The following ALK variants were observed in gnomAD, a reference collection of about 807,000 sequenced individuals.
The protein encoded by ALK is ALK tyrosine kinase receptor.
A neutral mutation model predicts 163.1 loss-of-function variants in ALK; 74 were observed. The observed-to-expected ratio is 0.45, with a 90% CI of 0.38 to 0.55. The LOEUF (loss-of-function observed/expected upper bound fraction) is 0.55. Among genes scored for constraint, ALK ranks in the 20% least tolerant of loss-of-function variants. The pLI is 0.00. For synonymous variants in ALK, 960 were observed against 843.2 expected (o/e 1.14, Z -2.40); for missense variants, 2,063 against 2,105.3 (o/e 0.98, Z 0.39).
intron 1 of ALK, among the ~76,000 whole-genome samples, chr2:29,884,279 T>C (rs957170232): frequency 4.6e-5 from 7 of 152,188 alleles, no homozygotes; most frequent in African/African-American, 1.7e-4. Flanking sequence ...TGCAATACTG[T>C]AAACCTTTAA....
At chr2:29,679,595 C>T (rs142974329) in intron 3 of ALK, among the ~76,000 whole-genome samples, 5 of 151,808 alleles carry the variant, frequency 3.3e-5, no homozygotes, top group South Asian at 2.1e-4. Context: ...AGAAATTTTG[C>T]TCCAATCTAA....
rs142964007 is a variant in ALK at position 29,610,780 on chromosome 2, T to C, written c.953-78664A>G. On this transcript the variant is annotated intron_variant, in intron 3 of 28. Coordinates refer to ENST00000389048, the MANE Select transcript of ALK (RefSeq NM_004304.5). Reference sequence around the variant, plus strand: ...CCGCATCAAATCATTTCTCTGTAACTAGATTCTGCTTCTCAACAATAATTA... The same window carrying C: ...CCGCATCAAATCATTTCTCTGTAACCAGATTCTGCTTCTCAACAATAATTA... Among the ~76,000 whole-genome samples the C allele has an allele frequency of 9.8e-5, 15 of 152,318 alleles. No individual in the cohort carries two copies. The East Asian group carries it at 2.9e-3, about 29-fold the overall frequency.
chr2:29,403,366 T>C (rs2148316554), intron 4 of ALK, among the ~76,000 whole-genome samples: 1 of 152,236 alleles, frequency 6.6e-6, no homozygotes, highest in African/African-American at 2.4e-5. Flanking sequence ...AGGAAAGCAT[T>C]GTCCAGTGGG....
At chr2:29,355,570 G>A (rs954410013) in intron 5 of ALK, among the ~76,000 whole-genome samples, 1 of 152,164 alleles carries the variant, frequency 6.6e-6, no homozygotes, top group Admixed American at 6.5e-5. Context: ...TCCCTCGGCT[G>A]AGGCGTGTTG....
chr2:29,636,835 G>A (rs1410302509), intron 3 of ALK, among the ~76,000 whole-genome samples: 2 of 152,116 alleles, frequency 1.3e-5, no homozygotes, highest in Non-Finnish European at 2.9e-5. Flanking sequence ...ATAAGCACAC[G>A]AAAGATGTTA....
intron 2 of ALK, among the ~76,000 whole-genome samples, chr2:29,703,305 G>A (rs1288981194): frequency 1.3e-5 from 2 of 152,210 alleles, no homozygotes; most frequent in Non-Finnish European, 2.9e-5. Context: ...TGATGTCTGT[G>A]ATACCAATCA....
intron 1 of ALK, among the ~76,000 whole-genome samples, chr2:29,795,665 A>C (rs961433612): frequency 6.6e-6 from 1 of 152,164 alleles, no homozygotes; most frequent in Non-Finnish European, 1.5e-5. Flanking sequence ...AACAAAGATG[A>C]CTAAGACTTT....
chr2:29,482,836 G>A (rs767903318), intron 4 of ALK, among the ~76,000 whole-genome samples: 3 of 152,104 alleles, frequency 2.0e-5, no homozygotes, highest in Non-Finnish European at 4.4e-5. Flanking sequence ...ACGACTACAT[G>A]GATTACTAAA....
intron 3 of ALK, among the ~76,000 whole-genome samples, chr2:29,649,664 G>T (rs1158252168): frequency 2.0e-5 from 3 of 152,094 alleles, no homozygotes; most frequent in African/African-American, 7.2e-5. Context: ...AGAGGAGCAG[G>T]CTAGGACATC....
At chr2:29,283,343 G>A (rs1262575970) in intron 9 of ALK, among the ~76,000 whole-genome samples, 1 of 152,092 alleles carries the variant, frequency 6.6e-6, no homozygotes, top group Non-Finnish European at 1.5e-5. Flanking sequence ...GGGGGCATGA[G>A]GGCTGTCTGG....
chr2:29,598,216 A>G (rs1345820354), intron 3 of ALK, among the ~76,000 whole-genome samples: 4 of 152,058 alleles, frequency 2.6e-5, no homozygotes, highest in African/African-American at 9.7e-5. Flanking sequence ...AGTAGAGACG[A>G]GGTTTCACCA....
At chr2:29,833,339 T>C (rs763670601) in intron 1 of ALK, among the ~76,000 whole-genome samples, 19 of 152,364 alleles carry the variant, frequency 1.2e-4, no homozygotes, top group Non-Finnish European at 2.6e-4. Flanking sequence ...GGCAGCAGCC[T>C]CCGGGCTTGG....
chr2:29,487,370 G>A (rs897847939), intron 4 of ALK, among the ~76,000 whole-genome samples: 4 of 152,204 alleles, frequency 2.6e-5, no homozygotes, highest in African/African-American at 9.7e-5. Context: ...TGTGGCCACA[G>A]AGCTGAGGAA....
At chr2:29,443,114 T>C (rs1482621430) in intron 4 of ALK, among the ~76,000 whole-genome samples, 3 of 152,208 alleles carry the variant, frequency 2.0e-5, no homozygotes, top group African/African-American at 7.2e-5. Flanking sequence ...TGTGGCATTT[T>C]TAACTAAACT....
At chr2:29,567,464 C>T (rs551406758) in intron 3 of ALK, among the ~76,000 whole-genome samples, 6 of 152,280 alleles carry the variant, frequency 3.9e-5, no homozygotes, top group African/African-American at 9.6e-5. Flanking sequence ...GCACTTAGTA[C>T]GTATTCAAGT....
intron 3 of ALK, among the ~76,000 whole-genome samples, chr2:29,538,130 A>G (rs900374104): frequency 5.3e-5 from 8 of 152,208 alleles, no homozygotes; most frequent in African/African-American, 1.9e-4. Context: ...ATGAGTTAAT[A>G]CTTTTGAGGA....
At chr2:29,393,994 A>G (rs879832491) in intron 4 of ALK, among the ~76,000 whole-genome samples, 26 of 152,314 alleles carry the variant, frequency 1.7e-4, no homozygotes, top group African/African-American at 6.0e-4. Flanking sequence ...AATTATTTCC[A>G]TTTTAAGGAA....
chr2:29,682,002 T>A (rs1678085275), intron 3 of ALK, among the ~76,000 whole-genome samples: 1 of 152,218 alleles, frequency 6.6e-6, no homozygotes, highest in African/African-American at 2.4e-5. Context: ...TTTCCTAAAT[T>A]TGTCCTTATA....
intron 3 of ALK, among the ~76,000 whole-genome samples, chr2:29,541,981 C>G (rs1382298642): frequency 6.6e-6 from 1 of 152,198 alleles, no homozygotes; most frequent in African/African-American, 2.4e-5. Flanking sequence ...TTTGGCCATA[C>G]TCCAAGTCCC....
Sources: gnomAD v4.1 joint callset for allele counts (sites outside exome capture counted in the v4.1 genomes callset) on GRCh38, gnomAD v4.1.1 for gene constraint, MANE v1.5 for transcripts, NCBI Gene and HGNC (gene_info 2026-07-23, HGNC 2026-07-21) for gene names.